The following YEATS2 variants were observed in gnomAD, a reference collection of about 807,000 sequenced individuals.
YEATS2 encodes YEATS domain containing 2.
YEATS2 carries 77 observed loss-of-function variants against 163.2 expected under a neutral mutation model. The observed-to-expected ratio is 0.47, with a 90% CI of 0.39 to 0.57. The LOEUF (loss-of-function observed/expected upper bound fraction) is 0.57, where lower values mean the gene tolerates loss of function less well. Ranked by LOEUF, YEATS2 falls within the 20% of genes least tolerant of loss-of-function variation. The pLI is 0.00. For synonymous variants in YEATS2, 631 were observed against 645.1 expected (o/e 0.98, Z 0.33); for missense variants, 1,549 against 1,729.8 (o/e 0.90, Z 1.85).
At chr3:183,782,144 T>G (rs1194801810) in intron 19 of YEATS2, among the ~76,000 whole-genome samples, 26 of 152,140 alleles carry the variant, frequency 1.7e-4, no homozygotes, top group African/African-American at 6.3e-4. Context: ...AGTTTCGCTC[T>G]TGTTGCCCAG....
chr3:183,803,681 T>G, intron 26 of YEATS2: 1 of 500,816 alleles, frequency 2.0e-6, no homozygotes, highest in Non-Finnish European at 3.6e-6. Flanking sequence ...CAGGTGAAGA[T>G]CCTTACAGTG....
Position 183,756,612 on chromosome 3 carries a change from G to T in YEATS2, c.1475G>T (p.Gly492Val), listed in dbSNP as rs1014005486. 1 of 1,606,454 alleles carries T rather than the reference G, an allele frequency of 6.2e-7. No homozygotes were observed. Among genetic ancestry groups the T allele is most frequent in the Non-Finnish European group, 8.5e-7 (1 of 1,176,630 alleles). ...TPVHVKQGTA[G>V]SVINNPYVIM... ...GTCCACGTGAAGCAAGGCACTGCCG[G>T]CTCTGTTATTAATAATCCTTATGTT... The change falls in exon 12 of 31, where the codon GGC (glycine) becomes GTC (valine). Residue 492 changes from glycine (G) to valine (V), a missense_variant. Physicochemically the swap from Gly to Val is moderately radical, Grantham distance 109. Coordinates refer to ENST00000305135, the MANE Select transcript of YEATS2 (RefSeq NM_018023.5).
chr3:183,747,468 A>T (rs1719666257), intron 8 of YEATS2, among the ~76,000 whole-genome samples: 1 of 152,090 alleles, frequency 6.6e-6, no homozygotes, highest in East Asian at 1.9e-4. Flanking sequence ...AATTTATATT[A>T]AAAATATAGT....
intron 30 of YEATS2, chr3:183,809,491 C>T (rs555156586): frequency 8.7e-5 from 18 of 207,344 alleles, no homozygotes; most frequent in African/African-American, 3.7e-4. Context: ...ATGTCAGACA[C>T]GAGGGCCAAG....
rs372994290 is a variant in YEATS2 at position 183,726,169 on chromosome 3, C to T, written c.650+1638C>T. Reference sequence around the variant, plus strand: ...GCGTTAGTGTGTCTGTCAGTCTTTCCCTGAGAATAAAATAGGGCTTGGTAA... The same window carrying T: ...GCGTTAGTGTGTCTGTCAGTCTTTCTCTGAGAATAAAATAGGGCTTGGTAA... On this transcript the variant is annotated intron_variant, in intron 6 of 30. Coordinates refer to ENST00000305135, the MANE Select transcript of YEATS2 (RefSeq NM_018023.5). Among the ~76,000 whole-genome samples, 5 of 151,790 alleles carry T rather than the reference C, an allele frequency of 3.3e-5. No homozygotes were observed. The East Asian group carries it at 7.7e-4, about 23-fold the overall frequency.
At position 183,800,275 on chromosome 3, in the gene YEATS2, G is replaced by T. The variant is rs376891446; in HGVS notation, c.3326-191G>T. Among the ~76,000 whole-genome samples the T allele has an allele frequency of 5.9e-5, 9 of 152,328 alleles. No homozygotes were observed. In the East Asian group the frequency reaches 1.7e-3, roughly 29 times the overall value. On this transcript the variant is annotated intron_variant, in intron 23 of 30. Coordinates refer to ENST00000305135, the MANE Select transcript of YEATS2 (RefSeq NM_018023.5). ...AGGCTGGAGTTGTCCTGAGACCCAG[G>T]CTAACAGTTCTTCCCTTGTCTGATG...
At chr3:183,711,558 T>C (rs1443175919) in intron 1 of YEATS2, among the ~76,000 whole-genome samples, 2 of 152,114 alleles carry the variant, frequency 1.3e-5, no homozygotes, top group Admixed American at 6.6e-5. Context: ...TTCTGAATTG[T>C]AGCAGGTAAC....
intron 30 of YEATS2, 31 bp downstream of exon 30, chr3:183,809,201 G>T: frequency 6.2e-7 from 1 of 1,605,576 alleles, no homozygotes; most frequent in African/African-American, 1.3e-5. Flanking sequence ...TGTGGTGTGA[G>T]GCTTACACCT....
intron 11 of YEATS2, among the ~76,000 whole-genome samples, chr3:183,755,778 A>T (rs1353137124): frequency 3.4e-5 from 2 of 58,242 alleles, no homozygotes; most frequent in Non-Finnish European, 3.0e-5. Context: ...TTTGAGACAG[A>T]GTTTTGCTCT....
At chr3:183,776,748 G>C (rs1379678518) in intron 18 of YEATS2, among the ~76,000 whole-genome samples, 2 of 152,094 alleles carry the variant, frequency 1.3e-5, no homozygotes. Context: ...GAGGTCAGGA[G>C]TTCAAGACCA....
At chr3:183,795,419 G>C (rs181491469) in intron 21 of YEATS2, among the ~76,000 whole-genome samples, 26 of 150,058 alleles carry the variant, frequency 1.7e-4, no homozygotes, top group African/African-American at 6.4e-4. Flanking sequence ...CTCCCTAATG[G>C]CTGGTACTAC....
At chr3:183,699,632 T>A (rs1317395912) in intron 1 of YEATS2, among the ~76,000 whole-genome samples, 2 of 147,730 alleles carry the variant, frequency 1.4e-5, no homozygotes, top group Non-Finnish European at 3.0e-5. Context: ...GGGGAAAGAG[T>A]GTGGAGAAGT....
intron 21 of YEATS2, among the ~76,000 whole-genome samples, chr3:183,792,265 A>G (rs1724724836): frequency 6.6e-6 from 1 of 152,078 alleles, no homozygotes; most frequent in African/African-American, 2.4e-5. Context: ...CACATGCATT[A>G]GGTATTTGTC....
At chr3:183,740,961 T>C (rs1197851153) in intron 8 of YEATS2, among the ~76,000 whole-genome samples, 1 of 152,116 alleles carries the variant, frequency 6.6e-6, no homozygotes, top group African/African-American at 2.4e-5. Flanking sequence ...TTTTTTGAGA[T>C]AGAGTCTTGG....
Position 183,709,772 on chromosome 3 carries a change from G to A in YEATS2, c.-19-5372G>A, listed in dbSNP as rs566954489. On this transcript the variant is annotated intron_variant, in intron 1 of 30. Transcript: ENST00000305135. The stretch of plus-strand genomic sequence containing the variant: ...GGCTCACTGCAAGCTCCACCTTCCG[G>A]GTTCACGCCATTCTCCTGCCTTAGC... Among the ~76,000 whole-genome samples, 8 of 151,408 alleles carry A rather than the reference G, an allele frequency of 5.3e-5. No individual in the cohort carries two copies. In the South Asian group the frequency reaches 1.5e-3, roughly 28 times the overall value.
intron 10 of YEATS2, among the ~76,000 whole-genome samples, chr3:183,753,687 G>A (rs557171828): frequency 2.4e-4 from 37 of 152,324 alleles, no homozygotes; most frequent in African/African-American, 7.0e-4. Context: ...GGTGGAGGTA[G>A]CAGTGAGCTG....
chr3:183,772,314 G>A lies in YEATS2; in HGVS notation c.1957G>A (p.Val653Ile), dbSNP rs1722556906. 10 of 1,613,866 alleles carry A rather than the reference G, an allele frequency of 6.2e-6. No homozygotes were observed. Among genetic ancestry groups the A allele is most frequent in the Non-Finnish European group, 8.5e-6 (10 of 1,180,028 alleles). Residue 653 changes from valine (V) to isoleucine (I), a missense_variant, in exon 16 of 31, where the codon GTA (valine) becomes ATA (isoleucine). By Grantham distance (29) the Val-to-Ile change is conservative. Transcript: ENST00000305135. ...AKVQPSKVVG[V>I]PVGSALPSTV... ...GCTCTGTTTTGAACAGGTTGTCGGG[G>A]TACCAGTTGGGTCTGCTTTACCTTC...
chr3:183,726,005 TCGG>T (rs1717056688), intron 6 of YEATS2, among the ~76,000 whole-genome samples: 1 of 152,178 alleles, frequency 6.6e-6, no homozygotes, highest in African/African-American at 2.4e-5. Flanking sequence ...ATAAGTCTTT[TCGG>T]TCACCCATTT....
rs1372734732 is a variant in YEATS2 at position 183,751,253 on chromosome 3, C to G, written c.970-820C>G. ...GGACCCTTGTCAAAGATCATTTGACCATATATGTGAGGATTTATTCTGTTC... is the reference window on the plus strand; with the variant it reads ...GGACCCTTGTCAAAGATCATTTGACGATATATGTGAGGATTTATTCTGTTC... On this transcript the variant is annotated intron_variant, in intron 9 of 30. Transcript: ENST00000305135. 2.0e-5 allele frequency among the ~76,000 whole-genome samples: 3 copies of G among 152,020 alleles called. No homozygotes were observed. In the East Asian group the frequency reaches 5.8e-4, roughly 29 times the overall value.
Sources: allele counts gnomAD v4.1 joint callset (sites outside exome capture counted in the v4.1 genomes callset), GRCh38; gene constraint gnomAD v4.1.1; transcripts MANE v1.5; gene names NCBI Gene and HGNC (gene_info 2026-07-23, HGNC 2026-07-21).